The following GRID1 variants were observed in gnomAD, a reference collection of about 807,000 sequenced individuals.
GRID1 encodes the protein glutamate receptor ionotropic, delta-1.
In GRID1, 28 loss-of-function variants were observed where a neutral mutation model predicts 98.0. That is an observed-to-expected ratio of 0.29 (90% CI 0.21 to 0.39). GRID1 has a LOEUF of 0.39. GRID1 is among the 10% of genes least tolerant of loss of function. GRID1 has a pLI of 1.00. For synonymous variants in GRID1, 553 were observed against 538.5 expected, an observed-to-expected ratio of 1.03 and a Z score of -0.37; for missense variants, 1,111 against 1,340.5, an observed-to-expected ratio of 0.83 and a Z score of 2.67.
intron 13 of GRID1, chr10:85,645,733 G>C (rs1400911642): frequency 1.3e-5 from 2 of 152,226 alleles, no homozygotes; most frequent in Non-Finnish European, 2.9e-5. Context: ...GACATCTTCT[G>C]CTGTTCAATG....
intron 4 of GRID1, among the ~76,000 whole-genome samples, chr10:86,128,895 G>C (rs1402618396): frequency 6.6e-6 from 1 of 152,182 alleles, no homozygotes; most frequent in Non-Finnish European, 1.5e-5. Context: ...AAGGAAAAAG[G>C]AAAGCCTACA....
intron 4 of GRID1, among the ~76,000 whole-genome samples, chr10:86,020,748 C>T (rs1473631002): frequency 6.6e-6 from 1 of 152,182 alleles, no homozygotes; most frequent in East Asian, 1.9e-4. Context: ...GACAGGCAGG[C>T]CCCACAGGAT....
chr10:86,040,895 A>T (rs1449670930), intron 4 of GRID1, among the ~76,000 whole-genome samples: 2 of 152,040 alleles, frequency 1.3e-5, no homozygotes, highest in African/African-American at 2.4e-5. Flanking sequence ...ATTTTTTTTT[A>T]AAGTTGGTCT....
chr10:85,696,053 A>G (rs768374225), intron 12 of GRID1, among the ~76,000 whole-genome samples: 3 of 152,160 alleles, frequency 2.0e-5, no homozygotes, highest in Admixed American at 1.3e-4. Context: ...AATTCTTTAT[A>G]TATGGACCAT....
intron 4 of GRID1, among the ~76,000 whole-genome samples, chr10:86,063,329 G>C (rs1589357704): frequency 6.6e-6 from 1 of 152,200 alleles, no homozygotes; most frequent in East Asian, 1.9e-4. Flanking sequence ...CCGCTGGGAA[G>C]CATAAAGGAG....
At chr10:85,713,357 G>A (rs1202806816) in intron 12 of GRID1, among the ~76,000 whole-genome samples, 4 of 151,764 alleles carry the variant, frequency 2.6e-5, no homozygotes, top group Non-Finnish European at 4.4e-5. Context: ...GATTGCTGAA[G>A]AAATAGAAAA....
At chr10:86,255,264 AT>A (rs1399645720) in intron 2 of GRID1, among the ~76,000 whole-genome samples, 1 of 152,258 alleles carries the variant, frequency 6.6e-6, no homozygotes, top group Non-Finnish European at 1.5e-5. Flanking sequence ...AAAATTAATA[AT>A]TAAAACAAAC....
At chr10:86,013,332 T>G (rs532959213) in intron 4 of GRID1, among the ~76,000 whole-genome samples, 1 of 152,218 alleles carries the variant, frequency 6.6e-6, no homozygotes, top group Admixed American at 6.5e-5. Flanking sequence ...GCTTCCTCAT[T>G]AACTATTTGA....
At chr10:85,621,138 C>T (rs1025106216) in intron 13 of GRID1, among the ~76,000 whole-genome samples, 1 of 152,286 alleles carries the variant, frequency 6.6e-6, no homozygotes, top group African/African-American at 2.4e-5. Context: ...TGCCACCTGG[C>T]CATCTTAAAA....
At chr10:86,145,196 C>T (rs1845067681) in intron 3 of GRID1, among the ~76,000 whole-genome samples, 1 of 152,190 alleles carries the variant, frequency 6.6e-6, no homozygotes, top group Admixed American at 6.5e-5. Flanking sequence ...AGACTCCAGA[C>T]ATTTTGGGTA....
intron 12 of GRID1, among the ~76,000 whole-genome samples, chr10:85,665,333 C>T (rs1301521401): frequency 1.3e-5 from 2 of 152,114 alleles, no homozygotes; most frequent in Non-Finnish European, 2.9e-5. Flanking sequence ...CCTGGTCCAC[C>T]CTCCCATGTT....
chr10:85,636,054 G>T (rs994584082), intron 13 of GRID1, among the ~76,000 whole-genome samples: 1 of 152,192 alleles, frequency 6.6e-6, no homozygotes, highest in Admixed American at 6.5e-5. Flanking sequence ...CAATAGACTT[G>T]ATGCATAGGA....
At chr10:86,202,576 C>G (rs1042376751) in intron 3 of GRID1, among the ~76,000 whole-genome samples, 7 of 152,204 alleles carry the variant, frequency 4.6e-5, no homozygotes, top group African/African-American at 1.7e-4. Flanking sequence ...TTTTATTTTT[C>G]CTTTCACTGT....
At chr10:85,837,647 A>G (rs1241774613) in intron 8 of GRID1, among the ~76,000 whole-genome samples, 1 of 152,162 alleles carries the variant, frequency 6.6e-6, no homozygotes, top group Non-Finnish European at 1.5e-5. Flanking sequence ...AGAAAAAAAA[A>G]AAACCATCCA....
chr10:86,239,085 G>A (rs1217956372), intron 2 of GRID1, among the ~76,000 whole-genome samples: 1 of 152,214 alleles, frequency 6.6e-6, no homozygotes, highest in Admixed American at 6.5e-5. Flanking sequence ...CTCCAGAGCT[G>A]TAGAGGCTGA....
At chr10:85,726,856 C>T (rs775768516) in intron 10 of GRID1, among the ~76,000 whole-genome samples, 78 of 152,210 alleles carry the variant, frequency 5.1e-4, no homozygotes, top group Non-Finnish European at 9.0e-4. Context: ...TTGCACAACC[C>T]GGTATCTTTA....
At chr10:86,022,205 A>C (rs1456803818) in intron 4 of GRID1, among the ~76,000 whole-genome samples, 1 of 152,214 alleles carries the variant, frequency 6.6e-6, no homozygotes, top group African/African-American at 2.4e-5. Flanking sequence ...ACTTGATCTG[A>C]TTTTATATTT....
At chr10:85,850,575 T>C (rs1362055455) in intron 8 of GRID1, among the ~76,000 whole-genome samples, 2 of 152,224 alleles carry the variant, frequency 1.3e-5, no homozygotes, top group African/African-American at 2.4e-5. Flanking sequence ...ATCTCTGGCC[T>C]TGGCTTTGGA....
chr10:85,702,480 T>C (rs1253239477), intron 12 of GRID1, among the ~76,000 whole-genome samples: 1 of 152,018 alleles, frequency 6.6e-6, no homozygotes, highest in Non-Finnish European at 1.5e-5. Context: ...GTAAACAACA[T>C]GCAAATAAAT....
Sources: gnomAD v4.1 joint callset for allele counts (sites outside exome capture counted in the v4.1 genomes callset) on GRCh38, gnomAD v4.1.1 for gene constraint, MANE v1.5 for transcripts, NCBI Gene and HGNC (gene_info 2026-07-23, HGNC 2026-07-21) for gene names.